The following MAST2 variants were observed in gnomAD, a reference collection of about 807,000 sequenced individuals.
MAST2 encodes the protein microtubule associated serine/threonine kinase 2, also known as microtubule-associated serine/threonine-protein kinase 2.
In MAST2, 70 loss-of-function variants were observed where a neutral mutation model predicts 147.4. That is an observed-to-expected ratio of 0.47 (90% CI 0.39 to 0.58). MAST2 has a LOEUF of 0.58. Among genes scored for constraint, MAST2 ranks in the 20% least tolerant of loss-of-function variants. The pLI is 0.00. For missense variants in MAST2, 2,080 were observed against 2,302.3 expected (o/e 0.90, Z 1.98); for synonymous variants, 869 against 896.8 (o/e 0.97, Z 0.55).
chr1:45,899,765 T>C (rs1649424745), intron 4 of MAST2, among the ~76,000 whole-genome samples: 1 of 152,100 alleles, frequency 6.6e-6, no homozygotes, highest in South Asian at 2.1e-4. Flanking sequence ...CTGCGATAAA[T>C]GTACCAGTGT....
intron 5 of MAST2, among the ~76,000 whole-genome samples, chr1:45,981,458 T>C (rs995285223): frequency 6.6e-6 from 1 of 152,080 alleles, no homozygotes; most frequent in Admixed American, 6.6e-5. Context: ...GATGATGTTA[T>C]CTATAGGAGA....
chr1:45,814,296 A>T (rs1388700470), intron 1 of MAST2, among the ~76,000 whole-genome samples: 2 of 152,066 alleles, frequency 1.3e-5, no homozygotes, highest in Non-Finnish European at 2.9e-5. Context: ...ACCATAGGAG[A>T]TGACAGCTCC....
intron 4 of MAST2, among the ~76,000 whole-genome samples, chr1:45,883,254 C>G (rs1042190991): frequency 3.3e-5 from 5 of 152,084 alleles, no homozygotes; most frequent in African/African-American, 1.2e-4. Context: ...ATTAAGTATA[C>G]TTTATATACA....
intron 3 of MAST2, chr1:45,847,133 T>A: frequency 2.0e-6 from 1 of 495,618 alleles, no homozygotes; most frequent in Non-Finnish European, 4.1e-6. Context: ...TTTTTCTCAT[T>A]TTAATATTTG....
chr1:45,958,934 A>G (rs1166376294), intron 4 of MAST2, among the ~76,000 whole-genome samples: 2 of 152,238 alleles, frequency 1.3e-5, no homozygotes, highest in Non-Finnish European at 2.9e-5. Context: ...TGAGAATATT[A>G]CTTAATTCAC....
At chr1:45,954,112 A>G (rs1226130778) in intron 4 of MAST2, among the ~76,000 whole-genome samples, 1 of 152,146 alleles carries the variant, frequency 6.6e-6, no homozygotes, top group Admixed American at 6.5e-5. Context: ...GCCAAGTACT[A>G]TCCAGTCACG....
intron 4 of MAST2, among the ~76,000 whole-genome samples, chr1:45,912,401 G>A (rs1394842434): frequency 2.6e-5 from 4 of 152,266 alleles, no homozygotes; most frequent in South Asian, 4.1e-4. Flanking sequence ...TGCTGTGTGC[G>A]AAGGACTAAT....
At chr1:46,005,979 T>C (rs1258519276) in intron 7 of MAST2, among the ~76,000 whole-genome samples, 3 of 152,186 alleles carry the variant, frequency 2.0e-5, no homozygotes, top group Admixed American at 6.5e-5. Flanking sequence ...TTTGCAGCTC[T>C]AAAATTCCAT....
intron 3 of MAST2, among the ~76,000 whole-genome samples, chr1:45,842,545 A>G: frequency 6.6e-6 from 1 of 152,326 alleles, no homozygotes; most frequent in East Asian, 1.9e-4. Flanking sequence ...TATAAATAAT[A>G]TTATACATAT....
intron 1 of MAST2, among the ~76,000 whole-genome samples, chr1:45,807,185 A>G (rs970317341): frequency 6.6e-6 from 1 of 151,814 alleles, no homozygotes; most frequent in Non-Finnish European, 1.5e-5. Flanking sequence ...CCTTGTTGAC[A>G]TTTTTTTCTT....
At chr1:45,983,314 A>G (rs151258246) in intron 5 of MAST2, among the ~76,000 whole-genome samples, 51 of 152,302 alleles carry the variant, frequency 3.3e-4, no homozygotes, top group African/African-American at 1.1e-3. Context: ...CAAGAATTCA[A>G]TATAAGACTC....
chr1:45,900,326 A>G (rs1649557340), intron 4 of MAST2, among the ~76,000 whole-genome samples: 1 of 152,044 alleles, frequency 6.6e-6, no homozygotes, highest in Non-Finnish European at 1.5e-5. Context: ...CCAACAGTAT[A>G]TAAGCATTCC....
intron 3 of MAST2, among the ~76,000 whole-genome samples, chr1:45,860,216 A>T (rs1172657400): frequency 6.6e-6 from 1 of 151,112 alleles, no homozygotes; most frequent in Non-Finnish European, 1.5e-5. Context: ...ACACACACAC[A>T]CACACACACA....
chr1:45,929,740 A>G (rs1305068486), intron 4 of MAST2, among the ~76,000 whole-genome samples: 1 of 152,210 alleles, frequency 6.6e-6, no homozygotes, highest in East Asian at 1.9e-4. Context: ...TCCTTGACAC[A>G]GAAGAATTAA....
Position 45,891,579 on chromosome 1 carries a change from A to G in MAST2, c.500+9184A>G, listed in dbSNP as rs139624065. Among the ~76,000 whole-genome samples the G allele has an allele frequency of 2.8e-3, 433 of 152,330 alleles. 2 individuals carry two copies. Among genetic ancestry groups the G allele is most frequent in the Middle Eastern group, 0.01 (3 of 294 alleles). On this transcript the variant is annotated intron_variant, in intron 4 of 28. Coordinates refer to ENST00000361297, the MANE Select transcript of MAST2 (RefSeq NM_015112.3). ...CAAAGACAATAAAAGACAAACTAGAAGAGTATTCTCTAAACAATATGCATA... is the reference window on the plus strand; with the variant it reads ...CAAAGACAATAAAAGACAAACTAGAGGAGTATTCTCTAAACAATATGCATA...
At chr1:45,862,571 A>G (rs900845410) in intron 3 of MAST2, among the ~76,000 whole-genome samples, 2 of 149,814 alleles carry the variant, frequency 1.3e-5, no homozygotes, top group African/African-American at 5.0e-5. Flanking sequence ...TTGGGTTTGA[A>G]TGATTTTTCT....
intron 4 of MAST2, among the ~76,000 whole-genome samples, chr1:45,947,808 C>T (rs1356666109): frequency 3.3e-5 from 5 of 152,212 alleles, no homozygotes; most frequent in African/African-American, 1.2e-4. Flanking sequence ...GCTCCACCTC[C>T]CAGGTTCATG....
At chr1:45,845,907 C>T (rs1310892480) in intron 3 of MAST2, among the ~76,000 whole-genome samples, 1 of 152,106 alleles carries the variant, frequency 6.6e-6, no homozygotes, top group African/African-American at 2.4e-5. Context: ...ACTACAGGTG[C>T]CCACCACCAT....
chr1:45,852,229 C>T (rs774017472), intron 3 of MAST2, among the ~76,000 whole-genome samples: 7 of 152,120 alleles, frequency 4.6e-5, no homozygotes, highest in African/African-American at 7.2e-5. Flanking sequence ...ATGGCCACCA[C>T]CACAATCAAC....
Sources: allele counts gnomAD v4.1 joint callset (sites outside exome capture counted in the v4.1 genomes callset), GRCh38; gene constraint gnomAD v4.1.1; transcripts MANE v1.5; gene names NCBI Gene and HGNC (gene_info 2026-07-23, HGNC 2026-07-21).